USP43: variants seen among roughly 807,000 people sequenced by gnomAD.
USP43 encodes ubiquitin specific peptidase 43.
A neutral mutation model predicts 90.7 loss-of-function variants in USP43; 33 were observed. The ratio of observed to expected loss-of-function variants is 0.36; its 90% CI spans 0.28 to 0.49. USP43 has a LOEUF of 0.49. USP43 is among the 20% of genes least tolerant of loss of function. The probability of loss-of-function intolerance (pLI) is 0.98; values close to 1 mark genes in which losing one functional copy is unlikely to be tolerated. For missense variants in USP43, 1,274 were observed against 1,476.4 expected (o/e 0.86, Z 2.25); for synonymous variants, 598 against 615.8 (o/e 0.97, Z 0.43).
In USP43 at chr17:9,645,678, C is replaced by T; in HGVS notation, c.46C>T (p.Pro16Ser). The T allele has an allele frequency of 3.1e-6, 4 of 1,283,118 alleles. No individual in the cohort carries two copies. The highest frequency in any genetic ancestry group is 3.9e-6 in the Non-Finnish European group (4 of 1,021,368). 79.5% of individuals were successfully genotyped at this position (1,283,118 alleles called of 1,614,324 possible). A position where few individuals can be genotyped will look rare whatever the true frequency, so the allele number is the denominator to read the frequency against. The change falls in exon 1 of 15, where the codon CCC becomes TCC. Residue 16 changes from proline (P) to serine (S), a missense_variant. Physicochemically the swap from Pro to Ser is moderately conservative, Grantham distance 74. Transcript: ENST00000285199. The surrounding 1 kb of genome is among the most constrained non-coding windows in gnomAD (Gnocchi z 6.8). ...GDAAGGGPLA[P>S]RPRRRRSLRR... ...CGCGGCAGGAGGGGGACCGCTCGCG[C>T]CCCGGCCCCGCCGCCGCCGCTCCCT...
At chr17:9,646,384 C>T (rs1911403440) in intron 1 of USP43, among the ~76,000 whole-genome samples, 1 of 152,080 alleles carries the variant, frequency 6.6e-6, no homozygotes, top group Non-Finnish European at 1.5e-5. Flanking sequence ...GGGTAATCAG[C>T]GTTTTTGGAT....
intron 8 of USP43, among the ~76,000 whole-genome samples, chr17:9,688,841 C>T (rs76798929): frequency 0.017 from 2,607 of 152,140 alleles, 80 homozygotes; most frequent in African/African-American, 0.059. Flanking sequence ...TGTATGGTAC[C>T]GTACCCAGCT....
At chr17:9,715,827 C>T (rs555334390) in intron 14 of USP43, among the ~76,000 whole-genome samples, 2 of 136,518 alleles carry the variant, frequency 1.5e-5, no homozygotes, top group Admixed American at 1.5e-4. Context: ...CTCTGTGTGT[C>T]TATGTGTATG....
At chr17:9,726,356 C>G (rs1917271489) in intron 14 of USP43, among the ~76,000 whole-genome samples, 1 of 152,178 alleles carries the variant, frequency 6.6e-6, no homozygotes, top group East Asian at 1.9e-4. Context: ...AGGAGTTCTG[C>G]TCCCTTTTGG....
chr17:9,704,000 G>A (rs1915728027), intron 12 of USP43, among the ~76,000 whole-genome samples: 1 of 152,192 alleles, frequency 6.6e-6, no homozygotes, highest in Non-Finnish European at 1.5e-5. Context: ...ACACCTGATT[G>A]ATAGCCTGGT....
intron 1 of USP43, among the ~76,000 whole-genome samples, chr17:9,648,351 T>C (rs1044845410): frequency 6.6e-6 from 1 of 152,188 alleles, no homozygotes; most frequent in Non-Finnish European, 1.5e-5. Context: ...TTATTGAATG[T>C]CCAGAGAGTA....
At chr17:9,698,212 A>G (rs558055901) in intron 9 of USP43, among the ~76,000 whole-genome samples, 35 of 152,292 alleles carry the variant, frequency 2.3e-4, no homozygotes, top group African/African-American at 7.5e-4. Context: ...AGTTCCTTAT[A>G]TATTCTGGAT....
Position 9,682,803 on chromosome 17 carries a change from T to A in USP43, c.1106-20T>A, listed in dbSNP as rs773877657. On this transcript the variant is annotated intron_variant, in intron 6 of 14. Coordinates refer to ENST00000285199, the MANE Select transcript of USP43 (RefSeq NM_153210.5). ...CAGCTCCTTTAGGAATATGAACAAA[T>A]GTCATTCTCTCCCTTCTAGCTCATC... 8.7e-6 allele frequency: 14 copies of A among 1,612,214 alleles called. No homozygotes were observed.
chr17:9,656,605 CA>C, intron 2 of USP43, 71 bp downstream of exon 2: 2 of 1,495,994 alleles, frequency 1.3e-6, no homozygotes, highest in Non-Finnish European at 1.8e-6. Flanking sequence ...CTCAGCTCCT[CA>C]AAACTGAATC....
chr17:9,688,143 G>T (rs952242714), intron 8 of USP43, among the ~76,000 whole-genome samples: 1 of 143,404 alleles, frequency 7.0e-6, no homozygotes, highest in Non-Finnish European at 1.5e-5. Flanking sequence ...CCGCCACCAC[G>T]CCCAGCTAAC....
rs1567690381 is a variant in USP43 at position 9,729,109 on chromosome 17, AAT to A, written c.*120_*121del. 2.3e-5 allele frequency: 27 copies of A among 1,152,744 alleles called. No homozygotes were observed. The highest frequency in any genetic ancestry group is 6.4e-5 in the African/African-American group (4 of 62,344). 71.4% of individuals were successfully genotyped at this position (1,152,744 alleles called of 1,614,324 possible). A position where few individuals can be genotyped will look rare whatever the true frequency, so the allele number is the denominator to read the frequency against. On this transcript the variant is annotated 3_prime_UTR_variant, in exon 15 of 15. Transcript: ENST00000285199. ...CGTTGTCTTGTAATCTCTAAAAAAA[AAT>A]TTTTTTTTTTTTGTGGTGGGGGGTC... is the stretch of plus-strand genomic sequence containing the variant.
intron 2 of USP43, among the ~76,000 whole-genome samples, chr17:9,666,184 C>G (rs1201948591): frequency 6.6e-6 from 1 of 152,106 alleles, no homozygotes; most frequent in Non-Finnish European, 1.5e-5. Context: ...AAAGAGAATA[C>G]TCATGTGAAA....
At chr17:9,687,021 A>G in intron 8 of USP43, 112 bp downstream of exon 8, 2 of 916,276 alleles carry the variant, frequency 2.2e-6, no homozygotes, top group Non-Finnish European at 1.6e-6. Flanking sequence ...GGAGAGGATA[A>G]TTTGCTGTTA....
intron 1 of USP43, among the ~76,000 whole-genome samples, chr17:9,652,236 AAAAG>A (rs1911921003): frequency 6.6e-6 from 1 of 151,034 alleles, no homozygotes; most frequent in Non-Finnish European, 1.5e-5. Context: ...AAAAGAAAAG[AAAAG>A]AAAGGAAAAA....
At chr17:9,647,262 T>C (rs546525660) in intron 1 of USP43, among the ~76,000 whole-genome samples, 1 of 152,156 alleles carries the variant, frequency 6.6e-6, no homozygotes, top group East Asian at 1.9e-4. Context: ...ACCCATGAGA[T>C]GCCAACCCCC....
chr17:9,727,387 ATTC>A (rs950993446), intron 14 of USP43, among the ~76,000 whole-genome samples: 5 of 152,060 alleles, frequency 3.3e-5, no homozygotes, highest in Admixed American at 3.3e-4. Flanking sequence ...CTATTTCTCT[ATTC>A]TTATTTGTAT....
At chr17:9,718,658 T>C (rs967802547) in intron 14 of USP43, among the ~76,000 whole-genome samples, 5 of 146,426 alleles carry the variant, frequency 3.4e-5, no homozygotes, top group African/African-American at 1.3e-4. Flanking sequence ...CTGACCAACA[T>C]AGAGAAACTC....
intron 2 of USP43, among the ~76,000 whole-genome samples, chr17:9,664,928 C>A (rs1398419967): frequency 2.0e-5 from 3 of 152,282 alleles, no homozygotes; most frequent in African/African-American, 7.2e-5. Context: ...TGAGCCAGCG[C>A]GCCCAGTCAA....
At position 9,729,110 on chromosome 17, in the gene USP43, A is replaced by AAAT; in HGVS notation, c.*120_*121insAAT. 2.4e-6 allele frequency: 2 copies of AAAT among 827,962 alleles called. No homozygotes were observed. The highest frequency in any genetic ancestry group is 1.6e-6 in the Non-Finnish European group (1 of 611,382). The allele number at this position is 827,962 out of a possible 1,614,324, so 51.3% of individuals were successfully genotyped here. Reference sequence around the variant, plus strand: ...GTTGTCTTGTAATCTCTAAAAAAAAATTTTTTTTTTTTTGTGGTGGGGGGT... The same window carrying AAAT: ...GTTGTCTTGTAATCTCTAAAAAAAAAAATTTTTTTTTTTTTTGTGGTGGGGGGT... On this transcript the variant is annotated 3_prime_UTR_variant, in exon 15 of 15. Coordinates refer to ENST00000285199, the MANE Select transcript of USP43 (RefSeq NM_153210.5).
Sources: gnomAD v4.1 joint callset for allele counts (sites outside exome capture counted in the v4.1 genomes callset) on GRCh38, gnomAD v4.1.1 for gene constraint, Gnocchi (gnomAD v3.1) non-coding constraint, MANE v1.5 for transcripts, NCBI Gene and HGNC (gene_info 2026-07-23, HGNC 2026-07-21) for gene names.